Variants in TRPC4 observed in about 807,000 individuals in gnomAD.
TRPC4 encodes transient receptor potential cation channel subfamily C member 4, also known as short transient receptor potential channel 4.
In TRPC4, 49 loss-of-function variants were observed where a neutral mutation model predicts 99.4. That is an observed-to-expected ratio of 0.49 (90% confidence interval 0.39 to 0.63). The LOEUF is 0.63. Among genes scored for constraint, TRPC4 ranks in the 20% least tolerant of loss-of-function variants. TRPC4 has a pLI of 0.00. For missense variants in TRPC4, 898 were observed against 1,152.9 expected, an observed-to-expected ratio of 0.78 and a Z score of 3.20; for synonymous variants, 454 against 425.9, an observed-to-expected ratio of 1.07 and a Z score of -0.81.
intron 1 of TRPC4, among the ~76,000 whole-genome samples, chr13:37,797,628 T>C (rs1957293485): frequency 6.6e-6 from 1 of 152,200 alleles, no homozygotes; most frequent in Non-Finnish European, 1.5e-5. Context: ...GTCAAGTTTA[T>C]TTCTACACTG....
In TRPC4 at chr13:37,744,986, T is replaced by A. The variant is rs900603133; in HGVS notation, c.897+951A>T. Among the ~76,000 whole-genome samples, 6 of 152,258 alleles carry A rather than the reference T, an allele frequency of 3.9e-5. No homozygotes were observed. The South Asian group carries it at 1.2e-3, about 32-fold the overall frequency. The stretch of plus-strand genomic sequence containing the variant: ...GCGATGAACTTACTTGGTTTCTTAT[T>A]CCTGACAAATCAAAAAAATGAGCAA... On this transcript the variant is annotated intron_variant, in intron 3 of 10. Coordinates refer to ENST00000379705, the MANE Select transcript of TRPC4 (RefSeq NM_016179.4).
chr13:37,668,364 C>T (rs1952720096), intron 5 of TRPC4, among the ~76,000 whole-genome samples: 1 of 152,108 alleles, frequency 6.6e-6, no homozygotes, highest in East Asian at 1.9e-4. Flanking sequence ...TTGTCTAAGG[C>T]ATTTTTAGGT....
chr13:37,745,241 G>A (rs1955704703), intron 3 of TRPC4, among the ~76,000 whole-genome samples: 1 of 151,478 alleles, frequency 6.6e-6, no homozygotes, highest in Non-Finnish European at 1.5e-5. Context: ...AGGACCTCAT[G>A]TGGATACCAA....
chr13:37,850,365 G>A (rs1177402308), intron 1 of TRPC4, among the ~76,000 whole-genome samples: 2 of 152,124 alleles, frequency 1.3e-5, no homozygotes, highest in Admixed American at 6.6e-5. Context: ...CAAGTAATTT[G>A]TGCCAGATTA....
At chr13:37,745,462 A>ATATATATGCG (rs1555265769) in intron 3 of TRPC4, among the ~76,000 whole-genome samples, 1 of 4,332 alleles carries the variant, frequency 2.3e-4, no homozygotes, top group African/African-American at 4.8e-4. Context: ...ATATATATAT[A>ATATATATGCG]TATATATATA....
Position 37,813,359 on chromosome 13 carries a change from A to G in TRPC4, c.-27-29999T>C, listed in dbSNP as rs928486042. ...GAAATTATAAATGTAAAAATATTAAATCAAAGCAAGCAGAAGAAATAATAT... is the reference window on the plus strand; with the variant it reads ...GAAATTATAAATGTAAAAATATTAAGTCAAAGCAAGCAGAAGAAATAATAT... On this transcript the variant is annotated intron_variant, in intron 1 of 10. Coordinates refer to ENST00000379705, the MANE Select transcript of TRPC4 (RefSeq NM_016179.4). 9.2e-5 allele frequency among the ~76,000 whole-genome samples: 14 copies of G among 151,796 alleles called. 1 individual carries two copies. The highest frequency in any genetic ancestry group is 8.6e-4 in the Admixed American group (13 of 15,186).
rs566548549 is a variant in TRPC4, at chr13:37,774,539, GA to G, written c.378+8416del. On this transcript the variant is annotated intron_variant, in intron 2 of 10. Coordinates refer to ENST00000379705, the MANE Select transcript of TRPC4 (RefSeq NM_016179.4). The stretch of plus-strand genomic sequence containing the variant: ...ACTTTTATGTTCTGGGGTACAAGTG[GA>G]GATAATTACATAGGTAAACTTGTGT... 1.3e-4 allele frequency among the ~76,000 whole-genome samples: 20 copies of G among 151,794 alleles called. No individual in the cohort carries two copies. In the East Asian group the frequency reaches 3.9e-3, roughly 30 times the overall value.
chr13:37,805,433 T>C (rs1957507436), intron 1 of TRPC4, among the ~76,000 whole-genome samples: 1 of 151,966 alleles, frequency 6.6e-6, no homozygotes, highest in Non-Finnish European at 1.5e-5. Context: ...ATTAGTAACC[T>C]ACTCTTTTAA....
intron 5 of TRPC4, among the ~76,000 whole-genome samples, chr13:37,670,565 A>T (rs377649675): frequency 7.2e-5 from 11 of 152,338 alleles, no homozygotes; most frequent in Non-Finnish European, 1.5e-4. Flanking sequence ...CTCATATTTC[A>T]TAATTACTAA....
intron 2 of TRPC4, among the ~76,000 whole-genome samples, chr13:37,771,753 A>G (rs569093355): frequency 2.0e-5 from 3 of 151,882 alleles, no homozygotes; most frequent in South Asian, 2.1e-4. Flanking sequence ...CATACCATGT[A>G]TTAGGAAATC....
chr13:37,640,116 A>G (rs1440852312), intron 8 of TRPC4, among the ~76,000 whole-genome samples: 1 of 152,116 alleles, frequency 6.6e-6, no homozygotes, highest in Non-Finnish European at 1.5e-5. Flanking sequence ...AATTTTATGT[A>G]TGTTGAATAA....
At chr13:37,813,977 CTG>C (rs938295465) in intron 1 of TRPC4, among the ~76,000 whole-genome samples, 2 of 151,746 alleles carry the variant, frequency 1.3e-5, no homozygotes, top group Non-Finnish European at 3.0e-5. Context: ...TAAAAAATGA[CTG>C]TATATTATGA....
chr13:37,642,736 CT>C (rs796528635), intron 8 of TRPC4, among the ~76,000 whole-genome samples: 39 of 2,798 alleles, frequency 0.014, no homozygotes, highest in African/African-American at 0.044. Flanking sequence ...CTTTCTTTTT[CT>C]TTTTTTTTTT....
intron 2 of TRPC4, 108 bp from the exon 3 acceptor site, chr13:37,746,563 C>A: frequency 8.7e-7 from 1 of 1,150,298 alleles, no homozygotes; most frequent in South Asian, 2.0e-5. Flanking sequence ...ATGTCCTTGG[C>A]CGGGTTTTTT....
intron 4 of TRPC4, among the ~76,000 whole-genome samples, chr13:37,675,113 A>T (rs1402672348): frequency 6.6e-6 from 1 of 152,204 alleles, no homozygotes; most frequent in Non-Finnish European, 1.5e-5. Flanking sequence ...TCATAACTAC[A>T]TTAACACAAG....
intron 1 of TRPC4, among the ~76,000 whole-genome samples, chr13:37,838,480 AT>A (rs1187478704): frequency 4.6e-5 from 7 of 151,746 alleles, no homozygotes; most frequent in African/African-American, 7.2e-5. Context: ...ACCACAGGAT[AT>A]TTTTTTTTCA....
intron 4 of TRPC4, among the ~76,000 whole-genome samples, chr13:37,678,330 G>A (rs1295274398): frequency 6.6e-6 from 1 of 151,858 alleles, no homozygotes; most frequent in Non-Finnish European, 1.5e-5. Context: ...ACAAAATCTA[G>A]TTTTCTTAAG....
intron 2 of TRPC4, among the ~76,000 whole-genome samples, chr13:37,771,547 T>G (rs1956549538): frequency 7.3e-6 from 1 of 136,652 alleles, no homozygotes; most frequent in African/African-American, 3.1e-5. Flanking sequence ...TATGAAGGTA[T>G]AGTGTGCATG....
intron 3 of TRPC4, among the ~76,000 whole-genome samples, chr13:37,721,741 C>A (rs780208860): frequency 2.0e-5 from 3 of 152,084 alleles, no homozygotes; most frequent in Admixed American, 6.5e-5. Context: ...TTTTATATTT[C>A]AATCTCCTAC....
Sources: gnomAD v4.1 joint callset for allele counts (sites outside exome capture counted in the v4.1 genomes callset) on GRCh38, gnomAD v4.1.1 for gene constraint, MANE v1.5 for transcripts, NCBI Gene and HGNC (gene_info 2026-07-23, HGNC 2026-07-21) for gene names.